Variants in HERC5 observed in about 807,000 individuals in gnomAD.
HERC5 encodes HECT and RLD domain containing E3 ubiquitin protein ligase 5.
In HERC5, 99 loss-of-function variants were observed where a neutral mutation model predicts 119.6. The observed-to-expected ratio is 0.83, with a 90% CI of 0.70 to 0.98. HERC5 has a LOEUF of 0.98. Among genes scored for constraint, HERC5 ranks in the 50% least tolerant of loss-of-function variants. The probability of loss-of-function intolerance (pLI) is 0.00; values close to 1 mark genes in which losing one functional copy is unlikely to be tolerated. For synonymous variants in HERC5, 478 were observed against 445.9 expected (o/e 1.07, Z -0.91); for missense variants, 1,267 against 1,241.3 (o/e 1.02, Z -0.31).
chr4:88,504,098 C>A, intron 20 of HERC5, 134 bp from the exon 21 acceptor site: 1 of 513,904 alleles, frequency 1.9e-6, no homozygotes, highest in Non-Finnish European at 3.4e-6. Flanking sequence ...TAGATAATCT[C>A]TAGTAACTAT....
intron 13 of HERC5, among the ~76,000 whole-genome samples, chr4:88,483,136 A>G (rs1741336401): frequency 6.6e-6 from 1 of 152,182 alleles, no homozygotes; most frequent in South Asian, 2.1e-4. Flanking sequence ...GTGATTTTAA[A>G]GGAAATTTTT....
chr4:88,460,302 C>T (rs1398046747), intron 3 of HERC5, 131 bp downstream of exon 3: 21 of 464,322 alleles, frequency 4.5e-5, no homozygotes, highest in Non-Finnish European at 7.7e-5. Context: ...GTTCCGAGTA[C>T]GATTCTTAAA....
At chr4:88,476,170 A>G (rs1741062978) in intron 12 of HERC5, 140 bp downstream of exon 12, 17 of 619,086 alleles carry the variant, frequency 2.7e-5, no homozygotes, top group Non-Finnish European at 3.8e-5. Context: ...TAAAGGTACT[A>G]TAACAATTAC....
chr4:88,480,594 G>A (rs913194490), intron 13 of HERC5, among the ~76,000 whole-genome samples: 2 of 152,040 alleles, frequency 1.3e-5, no homozygotes, highest in African/African-American at 2.4e-5. Flanking sequence ...ATATGTGTGT[G>A]TTGTTCTTTA....
chr4:88,485,651 C>CA (rs2149100740), intron 13 of HERC5, among the ~76,000 whole-genome samples: 1 of 152,196 alleles, frequency 6.6e-6, no homozygotes, highest in Non-Finnish European at 1.5e-5. Flanking sequence ...CCAGGGTGTT[C>CA]ATGTGTCTGT....
chr4:88,463,662 A>C lies in HERC5; in HGVS notation c.780+39A>C, dbSNP rs768605228. ...TGTCTCTTTTTGGCTGTATTTTTAG[A>C]AGAACAGTTTGTATGGGAAGTTAGT... is the stretch of plus-strand genomic sequence containing the variant. On this transcript the variant is annotated intron_variant, in intron 5 of 22. Coordinates refer to ENST00000264350, the MANE Select transcript of HERC5 (RefSeq NM_016323.4). 1.9e-6 allele frequency: 3 copies of C among 1,557,542 alleles called. No homozygotes were observed. In the African/African-American group the frequency reaches 4.1e-5, roughly 21 times the overall value.
At chr4:88,476,788 G>A (rs943651953) in intron 12 of HERC5, among the ~76,000 whole-genome samples, 6 of 151,912 alleles carry the variant, frequency 3.9e-5, no homozygotes. Flanking sequence ...GGACTTGGTG[G>A]TGCATGCCTG....
At chr4:88,489,511 T>C (rs1334917740) in intron 16 of HERC5, among the ~76,000 whole-genome samples, 175 bp downstream of exon 16, 1 of 152,126 alleles carries the variant, frequency 6.6e-6, no homozygotes, top group Non-Finnish European at 1.5e-5. Flanking sequence ...CTGTGGGCAC[T>C]CACTCAGTAT....
chr4:88,489,802 A>G (rs965521714), intron 16 of HERC5, among the ~76,000 whole-genome samples: 24 of 152,138 alleles, frequency 1.6e-4, no homozygotes, highest in Non-Finnish European at 2.9e-5. Flanking sequence ...TGAGGTCAGG[A>G]GTTCGAGACC....
At chr4:88,478,908 G>T (rs546917240) in intron 12 of HERC5, among the ~76,000 whole-genome samples, 3 of 151,820 alleles carry the variant, frequency 2.0e-5, no homozygotes, top group Non-Finnish European at 4.4e-5. Context: ...CACCATGCCT[G>T]GCCTACCAAA....
At chr4:88,487,226 G>T in intron 15 of HERC5, 47 bp downstream of exon 15, 2 of 1,067,162 alleles carry the variant, frequency 1.9e-6, no homozygotes, top group Non-Finnish European at 2.9e-6. Context: ...CATGCTAAGC[G>T]CCTTCTTAAT....
chr4:88,458,575 C>G (rs1740279316), intron 1 of HERC5, among the ~76,000 whole-genome samples: 1 of 152,044 alleles, frequency 6.6e-6, no homozygotes, highest in Non-Finnish European at 1.5e-5. Flanking sequence ...AACCGTTAGT[C>G]TGCTGGACCA....
At chr4:88,486,907 A>G (rs1466928774) in intron 14 of HERC5, among the ~76,000 whole-genome samples, 162 bp from the exon 15 acceptor site, 1 of 152,240 alleles carries the variant, frequency 6.6e-6, no homozygotes, top group Non-Finnish European at 1.5e-5. Context: ...ATTGATACAT[A>G]TAAAACACAT....
At chr4:88,458,274 T>G (rs1740259251) in intron 1 of HERC5, among the ~76,000 whole-genome samples, 1 of 152,170 alleles carries the variant, frequency 6.6e-6, no homozygotes, top group South Asian at 2.1e-4. Flanking sequence ...TTTAGTGCAT[T>G]TTTTGGGGGG....
intron 14 of HERC5, 100 bp downstream of exon 14, chr4:88,486,328 G>A (rs1158254367): frequency 1.5e-6 from 1 of 675,190 alleles, no homozygotes; most frequent in Non-Finnish European, 2.6e-6. Flanking sequence ...AGCAGGACTT[G>A]TGGGAAACAT....
At chr4:88,464,415 C>G (rs1305831389) in intron 6 of HERC5, among the ~76,000 whole-genome samples, 3 of 152,062 alleles carry the variant, frequency 2.0e-5, no homozygotes, top group Non-Finnish European at 4.4e-5. Context: ...GTAGCCTGCC[C>G]TGATCACAGT....
At chr4:88,483,787 C>T (rs1035161762) in intron 13 of HERC5, among the ~76,000 whole-genome samples, 1 of 152,168 alleles carries the variant, frequency 6.6e-6, no homozygotes, top group Admixed American at 6.5e-5. Context: ...ACCTTGGCCT[C>T]CCAAAGTGCT....
chr4:88,462,407 T>C (rs546795678), intron 4 of HERC5, 51 bp downstream of exon 4: 1 of 1,441,700 alleles, frequency 6.9e-7, no homozygotes, highest in East Asian at 2.3e-5. Context: ...ACTTGTTAGA[T>C]GAATTTAATG....
Position 88,463,856 on chromosome 4 carries a change from A to G in HERC5, c.782A>G (p.Asp261Gly), listed in dbSNP as rs1196079521. 6.2e-7 allele frequency: 1 copy of G among 1,613,436 alleles called. No individual in the cohort carries two copies. Residue 261 changes from aspartate (D) to glycine (G), a missense_variant and splice_region_variant, in exon 6 of 23, where the codon GAT becomes GGT. Around this residue, in one of 3 missense-constraint regions of HERC5, gnomAD observed 777 missense variants for 758.0 expected, o/e 1.03. Coordinates refer to ENST00000264350, the MANE Select transcript of HERC5 (RefSeq NM_016323.4). ...TGATATGACATTCCCTTTCCTTAGG[A>G]TGGGCTGCTGTTTACTTTCGGTGCT... Reference protein sequence around the residue: ...GGSHSALLTQDGLLFTFGAGK... With the variant: ...GGSHSALLTQGGLLFTFGAGK...
Sources: gnomAD v4.1 joint callset for allele counts (sites outside exome capture counted in the v4.1 genomes callset) on GRCh38, gnomAD v4.1.1 for gene constraint, gnomAD v4.1.1 regional missense constraint, MANE v1.5 for transcripts, NCBI Gene and HGNC (gene_info 2026-07-23, HGNC 2026-07-21) for gene names.